Variants in GNB1L observed in about 807,000 individuals in gnomAD.
The protein encoded by GNB1L is guanine nucleotide-binding protein subunit beta-like protein 1.
Under a neutral mutation model 29.1 loss-of-function variants are expected in GNB1L, and 20 were observed. The observed-to-expected ratio is 0.69, with a 90% CI of 0.48 to 1.00. The LOEUF is 1.00. GNB1L is among the 50% of genes least tolerant of loss of function. GNB1L has a pLI of 0.00. For synonymous variants in GNB1L, 193 were observed against 206.5 expected, an observed-to-expected ratio of 0.93 and a Z score of 0.56; for missense variants, 421 against 464.9, an observed-to-expected ratio of 0.91 and a Z score of 0.87.
chr22:19,848,358 G>GTT, intron 2 of GNB1L: 1 of 985,498 alleles, frequency 1.0e-6, no homozygotes, highest in Non-Finnish European at 1.2e-6. Flanking sequence ...GTCTGCCAGT[G>GTT]TGTGGGGGCC....
chr22:19,802,555 A>G (rs898310517), intron 6 of GNB1L, among the ~76,000 whole-genome samples: 5 of 152,160 alleles, frequency 3.3e-5, no homozygotes, highest in African/African-American at 1.2e-4. Flanking sequence ...GTTCTGCCCA[A>G]AGGGGTGATG....
At chr22:19,796,806 G>C (rs1422646083) in intron 7 of GNB1L, among the ~76,000 whole-genome samples, 2 of 152,186 alleles carry the variant, frequency 1.3e-5, no homozygotes, top group East Asian at 1.9e-4. Flanking sequence ...CCTGACCCCA[G>C]GCAGGGCAGC....
intron 2 of GNB1L, among the ~76,000 whole-genome samples, chr22:19,825,679 G>A (rs1601339763): frequency 6.6e-6 from 1 of 151,614 alleles, no homozygotes; most frequent in African/African-American, 2.4e-5. Context: ...ACACAGCCAG[G>A]CACAGTGGCT....
chr22:19,852,225 T>C, intron 2 of GNB1L: 1 of 1,612,450 alleles, frequency 6.2e-7, no homozygotes, highest in Non-Finnish European at 8.5e-7. Context: ...CAGATGGGAA[T>C]GCGAGGGCCC....
Position 19,788,962 on chromosome 22 carries a change from T to C in GNB1L, c.733-2A>G. 1 of 1,596,678 alleles carries C rather than the reference T, an allele frequency of 6.3e-7. No individual in the cohort carries two copies. The highest frequency in any genetic ancestry group is 2.2e-5 in the East Asian group (1 of 44,530). On this transcript the variant is annotated splice_acceptor_variant, in intron 7 of 7. Coordinates refer to ENST00000329517, the MANE Select transcript of GNB1L (RefSeq NM_053004.3). LOFTEE classifies it high-confidence loss of function. ...GGTGAGTTCATGAGTCCCACGCACC[T>C]GTGAGAGTTGGGAGAGGTGTTAGGC...
intron 2 of GNB1L, among the ~76,000 whole-genome samples, chr22:19,827,981 C>A (rs1047674978): frequency 6.6e-6 from 1 of 152,160 alleles, no homozygotes; most frequent in African/African-American, 2.4e-5. Flanking sequence ...TAGAATACTC[C>A]ACAGAACTGA....
intron 2 of GNB1L, chr22:19,852,479 G>A (rs1938132081): frequency 3.1e-5 from 18 of 580,088 alleles, no homozygotes; most frequent in South Asian, 9.7e-5. Context: ...GCCATCATCC[G>A]AGGCAATCTG....
chr22:19,846,879 A>C, intron 2 of GNB1L: 10 of 957,650 alleles, frequency 1.0e-5, no homozygotes, highest in Non-Finnish European at 1.2e-5. Context: ...TAAGTCCCCT[A>C]GCCTGCGGTC....
chr22:19,823,713 C>G (rs1184809098), intron 2 of GNB1L, among the ~76,000 whole-genome samples: 1 of 152,216 alleles, frequency 6.6e-6, no homozygotes, highest in African/African-American at 2.4e-5. Context: ...CTCACACATA[C>G]ACACACATGC....
Position 19,823,937 on chromosome 22 carries a change from G to A in GNB1L, c.-20-2562C>T, listed in dbSNP as rs143745627. On this transcript the variant is annotated intron_variant, in intron 2 of 7. Coordinates refer to ENST00000329517, the MANE Select transcript of GNB1L (RefSeq NM_053004.3). ...AGAGAAGCACACACACAGACAGCAC[G>A]GCGGCCTTGGGCGGTGCCAGCCGAA... Among the ~76,000 whole-genome samples the A allele has an allele frequency of 8.4e-4, 128 of 152,318 alleles. 1 individual carries two copies. Among genetic ancestry groups the A allele is most frequent in the African/African-American group, 2.9e-3 (122 of 41,558 alleles).
At chr22:19,822,029 G>A (rs902753377) in intron 2 of GNB1L, among the ~76,000 whole-genome samples, 1 of 152,126 alleles carries the variant, frequency 6.6e-6, no homozygotes, top group Non-Finnish European at 1.5e-5. Context: ...GGGATCAGGG[G>A]AAAAGAGGCA....
chr22:19,809,169 C>T (rs12168200), intron 5 of GNB1L, among the ~76,000 whole-genome samples: 3,749 of 151,642 alleles, frequency 0.025, 167 homozygotes, highest in African/African-American at 0.087. Flanking sequence ...ACCCCCAAGA[C>T]CATAGCAAGC....
At chr22:19,846,859 G>A (rs1937973416) in intron 2 of GNB1L, 6 of 904,288 alleles carry the variant, frequency 6.6e-6, no homozygotes, top group Non-Finnish European at 7.9e-6. Flanking sequence ...ATGAGGAAAT[G>A]TCTGTTGTTT....
chr22:19,793,755 C>T (rs1358820439), intron 7 of GNB1L, among the ~76,000 whole-genome samples: 1 of 152,034 alleles, frequency 6.6e-6, no homozygotes. Flanking sequence ...CTTTACAGGG[C>T]ATGAAGAAAA....
At chr22:19,835,334 T>C (rs565197155) in intron 2 of GNB1L, among the ~76,000 whole-genome samples, 3 of 147,004 alleles carry the variant, frequency 2.0e-5, no homozygotes, top group Non-Finnish European at 4.5e-5. Context: ...CTCATCAAGA[T>C]AGGCCATATC....
At chr22:19,851,545 G>A (rs1181855230) in intron 2 of GNB1L, 3 of 1,613,272 alleles carry the variant, frequency 1.9e-6, no homozygotes, top group South Asian at 1.1e-5. Flanking sequence ...CAGCAGGGGT[G>A]GCCATGGCGG....
chr22:19,802,326 TC>T, intron 6 of GNB1L, 110 bp from the exon 7 acceptor site: 1 of 813,366 alleles, frequency 1.2e-6, no homozygotes, highest in Non-Finnish European at 2.0e-6. Context: ...TGGGGCTGTT[TC>T]CCATGTCTTC....
chr22:19,841,790 A>C (rs931326475), intron 2 of GNB1L, among the ~76,000 whole-genome samples: 4 of 152,202 alleles, frequency 2.6e-5, no homozygotes, highest in African/African-American at 9.7e-5. Flanking sequence ...TGAGCTGATG[A>C]CTTTTATGAC....
chr22:19,841,605 G>A (rs920143914), intron 2 of GNB1L, among the ~76,000 whole-genome samples: 9 of 152,122 alleles, frequency 5.9e-5, no homozygotes, highest in Admixed American at 1.3e-4. Flanking sequence ...TCACACTACT[G>A]CACTGCAGCC....
Sources: allele counts gnomAD v4.1 joint callset (sites outside exome capture counted in the v4.1 genomes callset), GRCh38; gene constraint gnomAD v4.1.1; transcripts MANE v1.5; gene names NCBI Gene and HGNC (gene_info 2026-07-23, HGNC 2026-07-21).